Variants in HAGH observed in about 807,000 individuals in gnomAD.
HAGH encodes hydroxyacylglutathione hydrolase, mitochondrial.
Under a neutral mutation model 35.1 loss-of-function variants are expected in HAGH, and 29 were observed. That is an observed-to-expected ratio of 0.83 (90% confidence interval 0.62 to 1.13). The LOEUF is 1.13. Among genes scored for constraint, HAGH ranks in the 50% most tolerant of loss-of-function variants. The pLI, the probability that HAGH is intolerant of heterozygous loss-of-function variation, is 0.00. For synonymous variants in HAGH, 225 were observed against 176.1 expected (o/e 1.28, Z -2.20); for missense variants, 478 against 419.6 (o/e 1.14, Z -1.22).
Position 1,816,920 on chromosome 16 carries a change from G to A in HAGH, c.720C>T (p.Ala240=). ...FARHVEPGNA[A]IREKLAWAKE... Reference sequence around the variant, plus strand: ...TGGCCCAGGCCAGCTTCTCCCGGATGGCGGCATTGCCGGGCTCCACGTGGC... The same window carrying A: ...TGGCCCAGGCCAGCTTCTCCCGGATAGCGGCATTGCCGGGCTCCACGTGGC... The change falls in exon 7 of 9, where the codon GCC becomes GCT. Residue 240 remains alanine (A), a synonymous_variant. Transcript: ENST00000397356. The A allele has an allele frequency of 6.2e-7, 1 of 1,613,446 alleles. No homozygotes were observed. The highest frequency in any genetic ancestry group is 8.5e-7 in the Non-Finnish European group (1 of 1,179,448).
chr16:1,811,986 T>A (rs1897668574), intron 7 of HAGH, among the ~76,000 whole-genome samples: 1 of 151,534 alleles, frequency 6.6e-6, no homozygotes, highest in African/African-American at 2.4e-5. Context: ...AGCCCAGAAG[T>A]TCAAGACCAG....
intron 7 of HAGH, 150 bp downstream of exon 7, chr16:1,816,743 G>A (rs955738422): frequency 8.1e-5 from 51 of 632,546 alleles, no homozygotes; most frequent in Non-Finnish European, 1.2e-4. Context: ...TGGGTTTGCC[G>A]TGCAGGGCGA....
intron 1 of HAGH, among the ~76,000 whole-genome samples, chr16:1,825,444 C>T (rs1898357070): frequency 6.6e-6 from 1 of 152,222 alleles, no homozygotes; most frequent in Admixed American, 6.5e-5. Flanking sequence ...CTTTCCATAT[C>T]ACTCAGCCCA....
Position 1,822,727 on chromosome 16 carries a change from G to GT in HAGH, c.249+137dup. 5.5e-6 allele frequency: 4 copies of GT among 731,702 alleles called. No individual in the cohort carries two copies. In the South Asian group the frequency reaches 6.5e-5, roughly 12 times the overall value. 45.3% of individuals were successfully genotyped at this position (731,702 alleles called of 1,614,324 possible). On this transcript the variant is annotated intron_variant, in intron 2 of 8. Transcript: ENST00000397356. ...TCGCCTCCACCCTTCTTGGAGCCCT[G>GT]TTAACAGAGTGGCCGGAGACTAATT...
At chr16:1,822,632 G>C (rs1380143585) in intron 2 of HAGH, among the ~76,000 whole-genome samples, 1 of 152,154 alleles carries the variant, frequency 6.6e-6, no homozygotes, top group Non-Finnish European at 1.5e-5. Context: ...AGCATGCAGG[G>C]GCAGAAAGCC....
chr16:1,817,395 G>C, intron 5 of HAGH, 124 bp from the exon 6 acceptor site: 1 of 689,712 alleles, frequency 1.4e-6, no homozygotes, highest in South Asian at 1.6e-5. Flanking sequence ...GCTGCCCTCC[G>C]GCCACGGCTG....
At chr16:1,820,111 G>C (rs1898089211) in intron 3 of HAGH, 97 bp from the exon 4 acceptor site, 1 of 768,320 alleles carries the variant, frequency 1.3e-6, no homozygotes, top group Non-Finnish European at 2.3e-6. Flanking sequence ...GCTGCCTGCT[G>C]CTCTTAAACC....
chr16:1,813,619 A>G (rs781394367), intron 7 of HAGH, among the ~76,000 whole-genome samples: 2 of 152,206 alleles, frequency 1.3e-5, no homozygotes, highest in Non-Finnish European at 2.9e-5. Context: ...AGAAACACTC[A>G]ATGTTAAGAT....
intron 3 of HAGH, chr16:1,822,079 T>G (rs1312126809): frequency 3.5e-6 from 2 of 568,556 alleles, no homozygotes; most frequent in African/African-American, 3.7e-5. Context: ...AGGGTAAGGC[T>G]GTAACCTTCT....
intron 5 of HAGH, among the ~76,000 whole-genome samples, chr16:1,817,717 G>A (rs1486274999): frequency 6.6e-6 from 1 of 151,898 alleles, no homozygotes; most frequent in African/African-American, 2.4e-5. Context: ...CGGAAGATGC[G>A]GCCCACACCG....
intron 1 of HAGH, among the ~76,000 whole-genome samples, chr16:1,823,329 G>A (rs1596941314): frequency 6.6e-6 from 1 of 151,116 alleles, no homozygotes; most frequent in African/African-American, 2.4e-5. Flanking sequence ...GTGCAGTGGC[G>A]CGATCTCGGC....
chr16:1,814,695 C>G (rs1052346246), intron 7 of HAGH, among the ~76,000 whole-genome samples: 3 of 151,710 alleles, frequency 2.0e-5, no homozygotes, highest in East Asian at 1.9e-4. Flanking sequence ...GTCAGGAGAT[C>G]GAGACCTTCC....
chr16:1,820,464 GACA>G (rs1567260347), intron 3 of HAGH, among the ~76,000 whole-genome samples: 8 of 152,102 alleles, frequency 5.3e-5, no homozygotes, highest in African/African-American at 1.7e-4. Flanking sequence ...TTTGTGGCCC[GACA>G]CTCTGGCAGG....
chr16:1,823,184 C>T (rs958523896), intron 1 of HAGH, 147 bp from the exon 2 acceptor site: 46 of 689,296 alleles, frequency 6.7e-5, no homozygotes, highest in African/African-American at 6.2e-4. Context: ...GGAATCCCAG[C>T]GCTTTAAGAG....
Position 1,809,909 on chromosome 16 carries a change from A to G in HAGH, c.748-76T>C, listed in dbSNP as rs976694130. Reference sequence around the variant, plus strand: ...CCAGGCACGGAGGCTCACGTCTGTGATACCAGCACTTTGGGAGGCTAAGGC... The same window carrying G: ...CCAGGCACGGAGGCTCACGTCTGTGGTACCAGCACTTTGGGAGGCTAAGGC... On this transcript the variant is annotated intron_variant, in intron 7 of 8. Coordinates refer to ENST00000397356, the MANE Select transcript of HAGH (RefSeq NM_005326.6). The G allele has an allele frequency of 7.4e-6, 8 of 1,085,462 alleles. No homozygotes were observed. In the Admixed American group the frequency reaches 8.6e-5, roughly 12 times the overall value. 67.2% of individuals were successfully genotyped at this position (1,085,462 alleles called of 1,614,324 possible).
chr16:1,809,498 G>T lies in HAGH; in HGVS notation c.828-116C>A, dbSNP rs1282112068. On this transcript the variant is annotated intron_variant, in intron 8 of 8. Transcript: ENST00000397356. ...CCGAGCCCAGCCCTCAGAGGACACG[G>T]AGGGCGGGGAGGCGGCAGCCACTCC... 19 of 811,804 alleles carry T rather than the reference G, an allele frequency of 2.3e-5. No homozygotes were observed. In the East Asian group the frequency reaches 4.7e-4, roughly 20 times the overall value. The allele number at this position is 811,804 out of a possible 1,614,324, so 50.3% of individuals were successfully genotyped here.
Position 1,809,827 on chromosome 16 carries a change from A to T in HAGH, c.754T>A (p.Tyr252Asn), listed in dbSNP as rs1381296034. Residue 252 changes from tyrosine to asparagine, a missense_variant, in exon 8 of 9, where the codon TAC (tyrosine) becomes AAC (asparagine). Coordinates refer to ENST00000397356, the MANE Select transcript of HAGH (RefSeq NM_005326.6). ...GGCACTGTGGGCTCCCCGATGCTGT[A>T]CTTCTCCTGCAAGAGAAACGCACCA... is the stretch of plus-strand genomic sequence containing the variant. ...REKLAWAKEK[Y>N]SIGEPTVPST... 7 of 1,613,008 alleles carry T rather than the reference A, an allele frequency of 4.3e-6. No homozygotes were observed. The East Asian group carries it at 1.3e-4, about 31-fold the overall frequency.
intron 5 of HAGH, 44 bp downstream of exon 5, chr16:1,819,071 T>C: frequency 8.4e-7 from 1 of 1,195,036 alleles, no homozygotes; most frequent in East Asian, 2.4e-5. Flanking sequence ...AGACACAGGG[T>C]CTTCACGAAG....
intron 5 of HAGH, chr16:1,818,910 A>G (rs927172700): frequency 1.8e-6 from 1 of 571,054 alleles, no homozygotes; most frequent in Non-Finnish European, 3.1e-6. Flanking sequence ...CCTTGCTGCA[A>G]GCGTAACTTC....
Sources: allele counts gnomAD v4.1 joint callset (sites outside exome capture counted in the v4.1 genomes callset), GRCh38; gene constraint gnomAD v4.1.1; transcripts MANE v1.5; gene names NCBI Gene and HGNC (gene_info 2026-07-23, HGNC 2026-07-21).